CRB1: variants seen among roughly 807,000 people sequenced by gnomAD.
CRB1 encodes the protein protein crumbs homolog 1.
Under a neutral mutation model 120.0 loss-of-function variants are expected in CRB1, and 83 were observed. That is an observed-to-expected ratio of 0.69 (90% confidence interval 0.58 to 0.83). CRB1 has a LOEUF of 0.83. CRB1 is among the 40% of genes least tolerant of loss of function. The probability of loss-of-function intolerance (pLI) is 0.00; values close to 1 mark genes in which losing one functional copy is unlikely to be tolerated. For synonymous variants in CRB1, 625 were observed against 612.5 expected (o/e 1.02, Z -0.30); for missense variants, 1,699 against 1,687.6 (o/e 1.01, Z -0.12).
intron 5 of CRB1, among the ~76,000 whole-genome samples, chr1:197,388,000 C>CTCTA (rs1553256215): frequency 6.6e-6 from 1 of 150,962 alleles, no homozygotes. Flanking sequence ...CTCTCTCTCT[C>CTCTA]TATATATATA....
chr1:197,294,228 A>G (rs980440925), intron 1 of CRB1, among the ~76,000 whole-genome samples: 16 of 152,282 alleles, frequency 1.1e-4, no homozygotes, highest in Non-Finnish European at 2.2e-4. Context: ...AAAAAATCAA[A>G]CAACCCCATC....
chr1:197,463,747 T>A (rs1666631647), intron 11 of CRB1, among the ~76,000 whole-genome samples: 1 of 152,198 alleles, frequency 6.6e-6, no homozygotes, highest in Non-Finnish European at 1.5e-5. Flanking sequence ...TATTAAATCC[T>A]CAGCTTGTAG....
At position 197,477,995 on chromosome 1, in the gene CRB1, A is replaced by G. The variant is rs575882211; in HGVS notation, c.*116A>G. On this transcript the variant is annotated 3_prime_UTR_variant, in exon 12 of 12. Coordinates refer to ENST00000367400, the MANE Select transcript of CRB1 (RefSeq NM_201253.3). ...CTGCAACTGGGATTACACTGGAACT[A>G]CAGGAATGATTCCTTTGACCACCTT... The G allele has an allele frequency of 2.3e-4, 241 of 1,048,908 alleles. 1 individual carries two copies. Among genetic ancestry groups the G allele is most frequent in the Admixed American group, 3.5e-4 (19 of 54,430 alleles). The allele number at this position is 1,048,908 out of a possible 1,614,324, so 65.0% of individuals were successfully genotyped here. A position where few individuals can be genotyped will look rare whatever the true frequency, so the allele number is the denominator to read the frequency against.
intron 11 of CRB1, 103 bp downstream of exon 11, chr1:197,442,395 T>C (rs1437768135): frequency 6.2e-7 from 1 of 1,605,966 alleles, no homozygotes; most frequent in African/African-American, 1.3e-5. Context: ...AGTTGTTGAG[T>C]GGGGTGAACA....
Position 197,427,402 on chromosome 1 carries a change from G to A in CRB1, c.2129-52G>A, listed in dbSNP as rs111954041. ...GTCTTCCATCCCTTCTGTCTTTTGA[G>A]CCTTAAGATGTTTCTTTTTTTTTCT... On this transcript the variant is annotated intron_variant, in intron 6 of 11. Transcript: ENST00000367400. 386 of 1,551,536 alleles carry A rather than the reference G, an allele frequency of 2.5e-4. 2 individuals are homozygous for A. The African/African-American group carries it at 4.6e-3, about 18-fold the overall frequency.
chr1:197,457,877 G>A (rs1257199290), intron 11 of CRB1, among the ~76,000 whole-genome samples: 1 of 152,090 alleles, frequency 6.6e-6, no homozygotes, highest in African/African-American at 2.4e-5. Context: ...CAAATAAGTT[G>A]TATACCTGTC....
the CRB1 span, among the ~76,000 whole-genome samples, chr1:197,240,431 T>C: frequency 6.6e-6 from 1 of 152,214 alleles, no homozygotes; most frequent in Non-Finnish European, 1.5e-5. Context: ...TGTGTTCTTA[T>C]TCTTCAACTC....
chr1:197,205,076 G>A, the CRB1 span, among the ~76,000 whole-genome samples: 1 of 152,192 alleles, frequency 6.6e-6, no homozygotes, highest in Non-Finnish European at 1.5e-5. Flanking sequence ...CGCTGTTGGT[G>A]TATAGCAAAG....
At chr1:197,217,630 T>A in the CRB1 span, among the ~76,000 whole-genome samples, 3 of 152,070 alleles carry the variant, frequency 2.0e-5, no homozygotes, top group African/African-American at 7.2e-5. Flanking sequence ...TTTATAGAGT[T>A]GGAAAGTAGA....
intron 5 of CRB1, among the ~76,000 whole-genome samples, chr1:197,358,432 G>A (rs1660598900): frequency 6.6e-6 from 1 of 152,194 alleles, no homozygotes; most frequent in Non-Finnish European, 1.5e-5. Context: ...TGAATCTGCA[G>A]ATCTAAAAGG....
chr1:197,376,353 T>C (rs1661645716), intron 5 of CRB1, among the ~76,000 whole-genome samples: 2 of 152,152 alleles, frequency 1.3e-5, no homozygotes, highest in South Asian at 4.1e-4. Context: ...GGCAAAACTT[T>C]TTATTTTTTT....
chr1:197,399,101 A>C (rs2821101), intron 5 of CRB1, among the ~76,000 whole-genome samples: 127,723 of 152,072 alleles, frequency 0.84, 54,011 homozygotes, highest in African/African-American at 0.94. Context: ...TCCTCCATGA[A>C]ATGATTCAGA....
the CRB1 span, among the ~76,000 whole-genome samples, chr1:197,206,567 G>A: frequency 6.6e-6 from 1 of 151,876 alleles, no homozygotes; most frequent in Non-Finnish European, 1.5e-5. Context: ...GGTTTCTTTT[G>A]GAGTTGATTT....
intron 1 of CRB1, among the ~76,000 whole-genome samples, chr1:197,276,059 A>G (rs567928006): frequency 1.8e-4 from 28 of 151,972 alleles, no homozygotes; most frequent in Non-Finnish European, 3.4e-4. Context: ...GATTCCTTCA[A>G]AGTTTCGTTG....
At chr1:197,475,841 G>T (rs770230738) in intron 11 of CRB1, among the ~76,000 whole-genome samples, 2 of 151,322 alleles carry the variant, frequency 1.3e-5, no homozygotes, top group Non-Finnish European at 2.9e-5. Context: ...ATACACATTC[G>T]GTCACACTGG....
intron 5 of CRB1, among the ~76,000 whole-genome samples, chr1:197,383,136 C>T (rs10922213): frequency 0.25 from 38,497 of 151,988 alleles, 5,328 homozygotes; most frequent in Middle Eastern, 0.39. Context: ...CTTGGCCCTC[C>T]TGTGCTATTT....
At chr1:197,475,131 T>C (rs1667145712) in intron 11 of CRB1, among the ~76,000 whole-genome samples, 1 of 152,208 alleles carries the variant, frequency 6.6e-6, no homozygotes, top group African/African-American at 2.4e-5. Context: ...GTCATTGTCA[T>C]AACCCAGAAT....
intron 3 of CRB1, among the ~76,000 whole-genome samples, chr1:197,346,629 C>T (rs1327232453): frequency 1.3e-5 from 2 of 152,152 alleles, no homozygotes; most frequent in African/African-American, 2.4e-5. Context: ...TGTGCAGGTA[C>T]ATTTTTTACA....
At chr1:197,249,789 G>A in the CRB1 span, among the ~76,000 whole-genome samples, 13 of 151,982 alleles carry the variant, frequency 8.6e-5, no homozygotes, top group African/African-American at 3.1e-4. Flanking sequence ...GATGAGAGAA[G>A]CAAGATAATA....
Sources: gnomAD v4.1 joint callset for allele counts (sites outside exome capture counted in the v4.1 genomes callset) on GRCh38, gnomAD v4.1.1 for gene constraint, MANE v1.5 for transcripts, NCBI Gene and HGNC (gene_info 2026-07-23, HGNC 2026-07-21) for gene names.